GTF3C2: variants seen among roughly 807,000 people sequenced by gnomAD.
The protein encoded by GTF3C2 is general transcription factor IIIC subunit 2.
GTF3C2 carries 17 observed loss-of-function variants against 117.4 expected under a neutral mutation model. That is an observed-to-expected ratio of 0.14 (90% CI 0.10 to 0.22). The LOEUF (loss-of-function observed/expected upper bound fraction) is 0.22, where lower values mean the gene tolerates loss of function less well. Among genes scored for constraint, GTF3C2 ranks in the 10% least tolerant of loss-of-function variants. The pLI, the probability that GTF3C2 is intolerant of heterozygous loss-of-function variation, is 1.00. For missense variants in GTF3C2, 888 were observed against 1,143.6 expected (o/e 0.78, Z 3.22); for synonymous variants, 437 against 427.0 (o/e 1.02, Z -0.29).
chr2:27,350,602 T>A (rs1465890273), intron 1 of GTF3C2: 1 of 640,002 alleles, frequency 1.6e-6, no homozygotes, highest in Non-Finnish European at 1.9e-6. Flanking sequence ...GAGTTCAAGA[T>A]CAGCCTGGGC....
intron 1 of GTF3C2, among the ~76,000 whole-genome samples, chr2:27,351,962 T>C (rs1459559999): frequency 6.6e-6 from 1 of 152,190 alleles, no homozygotes; most frequent in African/African-American, 2.4e-5. Context: ...TCTCTGAACC[T>C]TGTCATCACC....
At chr2:27,336,239 C>G (rs1025509083) in exon 8 of GTF3C2, 2 of 1,613,970 alleles carry the variant, frequency 1.2e-6, no homozygotes, top group African/African-American at 2.7e-5. Context: ...AGAGCTGGAG[C>G]AGCCCAGGAC....
intron 12 of GTF3C2, among the ~76,000 whole-genome samples, chr2:27,332,466 G>C (rs1680309384): frequency 6.6e-6 from 1 of 151,678 alleles, no homozygotes; most frequent in African/African-American, 2.4e-5. Flanking sequence ...CCAGGCTAGA[G>C]TACAGTGGCA....
Position 27,329,613 on chromosome 2 carries a change from T to G in GTF3C2, c.1733-90A>C. The G allele has an allele frequency of 7.9e-7, 1 of 1,266,918 alleles. No homozygotes were observed. The highest frequency in any genetic ancestry group is 1.1e-6 in the Non-Finnish European group (1 of 891,016). 78.5% of individuals were successfully genotyped at this position (1,266,918 alleles called of 1,614,324 possible). ...TCTCTGGGCTCCTAGGACCTTTGTC[T>G]TCTACCCTCAGATCCAAACCACTAT... On this transcript the variant is annotated intron_variant, in intron 12 of 18. Coordinates refer to ENST00000264720, the Ensembl canonical transcript of GTF3C2. This position sits in a 1 kb window ranked among gnomAD's most constrained non-coding sequence, Gnocchi z 4.5.
rs554293406 is a variant in GTF3C2 at position 27,333,182 on chromosome 2, A to T, written c.1732+473T>A. On this transcript the variant is annotated intron_variant, in intron 12 of 18. Transcript: ENST00000264720. ...TCTTTTTTTTTTTTTTTTTTTTTCCAGACAGGATCTCACTGTTGCCCAGGC... is the reference window on the plus strand; with the variant it reads ...TCTTTTTTTTTTTTTTTTTTTTTCCTGACAGGATCTCACTGTTGCCCAGGC... Among the ~76,000 whole-genome samples, 1,184 of 121,456 alleles carry T rather than the reference A, an allele frequency of 9.7e-3. 17 individuals are homozygous for T. The highest frequency in any genetic ancestry group is 0.036 in the African/African-American group (1,129 of 31,638). The allele number at this position is 121,456 out of a possible 152,430, so 79.7% of individuals were successfully genotyped here.
chr2:27,356,316 C>A, intron 1 of GTF3C2: 1 of 369,654 alleles, frequency 2.7e-6, no homozygotes, highest in Non-Finnish European at 5.3e-6. Context: ...TGACCCACAA[C>A]CACTCTAGGG....
At position 27,342,384 on chromosome 2, in the gene GTF3C2, G is replaced by GA. The variant is rs995655888; in HGVS notation, c.570-152dup. 136 of 638,784 alleles carry GA rather than the reference G, an allele frequency of 2.1e-4. 2 individuals carry two copies. In the Admixed American group the frequency reaches 3.9e-3, roughly 18 times the overall value. 39.6% of individuals were successfully genotyped at this position (638,784 alleles called of 1,614,324 possible). A position where few individuals can be genotyped will look rare whatever the true frequency, so the allele number is the denominator to read the frequency against. On this transcript the variant is annotated intron_variant, in intron 3 of 18. Coordinates refer to ENST00000264720, the Ensembl canonical transcript of GTF3C2. ...AATTTCCCCTTCCCCCTTGGAAGAT[G>GA]AAAAACCAGAAATCTAAGTTATGTG...
At chr2:27,336,080 C>A in intron 8 of GTF3C2, 52 bp from the exon 9 acceptor site, 1 of 1,414,544 alleles carries the variant, frequency 7.1e-7, no homozygotes, top group Non-Finnish European at 1.0e-6. Context: ...GGACGCAGGG[C>A]TGCCAGAGGT....
intron 12 of GTF3C2, among the ~76,000 whole-genome samples, chr2:27,330,077 C>T (rs1177665789): frequency 6.4e-5 from 9 of 140,102 alleles, no homozygotes; most frequent in Admixed American, 2.3e-4. Context: ...ACTCAGGAGG[C>T]GGAGCTTGCA....
At chr2:27,342,961 C>T (rs780337619) in exon 3 of GTF3C2, 6 of 1,614,078 alleles carry the variant, frequency 3.7e-6, no homozygotes, top group African/African-American at 1.3e-5. Flanking sequence ...CTTGGACTTT[C>T]GACCTCGTTT....
chr2:27,342,739 C>G, intron 3 of GTF3C2, 87 bp downstream of exon 3: 1 of 988,070 alleles, frequency 1.0e-6, no homozygotes, highest in Non-Finnish European at 1.6e-6. Flanking sequence ...TACCTAATAC[C>G]TCATCAGTCT....
intron 1 of GTF3C2, chr2:27,356,486 C>T (rs369367213): frequency 9.9e-4 from 231 of 232,930 alleles, no homozygotes; most frequent in African/African-American, 4.9e-3. Context: ...CAGGCTTCCG[C>T]GTTACCGACA....
chr2:27,342,761 C>G lies in GTF3C2; in HGVS notation c.569+65G>C, dbSNP rs1680779741. On this transcript the variant is annotated intron_variant, in intron 3 of 18. Coordinates refer to ENST00000264720, the Ensembl canonical transcript of GTF3C2. ...TACCTCATCAGTCTTCTCTCTCCAA[C>G]ATCTGCCCCACCCTGATCCCTTCAC... The G allele has an allele frequency of 4.9e-6, 6 of 1,223,874 alleles. No homozygotes were observed. In the South Asian group the frequency reaches 8.1e-5, roughly 17 times the overall value. 75.8% of individuals were successfully genotyped at this position (1,223,874 alleles called of 1,614,324 possible). A position where few individuals can be genotyped will look rare whatever the true frequency, so the allele number is the denominator to read the frequency against.
chr2:27,327,909 A>G (rs1271536907), intron 17 of GTF3C2, 128 bp downstream of exon 17: 4 of 681,190 alleles, frequency 5.9e-6, no homozygotes, highest in Non-Finnish European at 7.3e-6. Flanking sequence ...TACAGGCATG[A>G]GCCACTGCAC....
chr2:27,326,320 A>AAGTGGTCACAAAAACACCC, exon 19 of GTF3C2: 1 of 454,496 alleles, frequency 2.2e-6, no homozygotes, highest in Non-Finnish European at 4.3e-6. Context: ...ACCCATTCAC[A>AAGTGGTCACAAAAACACCC]AGTGGTCACA....
Position 27,338,900 on chromosome 2 carries a change from TCAAG to T in GTF3C2, c.856-884_856-881del, listed in dbSNP as rs781613324. On this transcript the variant is annotated intron_variant, in intron 4 of 18. Coordinates refer to ENST00000264720, the Ensembl canonical transcript of GTF3C2. ...CCATGCCAGACTTGAACTCCTGGGC[TCAAG>T]CAATCCTCTTGCCTCAGCCTCCTGA... 5.3e-5 allele frequency among the ~76,000 whole-genome samples: 8 copies of T among 152,056 alleles called. No individual in the cohort carries two copies. In the East Asian group the frequency reaches 1.5e-3, roughly 29 times the overall value.
intron 1 of GTF3C2, among the ~76,000 whole-genome samples, chr2:27,353,190 C>T (rs1215416569): frequency 1.3e-5 from 2 of 151,994 alleles, no homozygotes; most frequent in African/African-American, 2.4e-5. Flanking sequence ...GTCAGGAGAT[C>T]GAGACCATCC....
rs1331417569 is a variant in GTF3C2 at position 27,329,254 on chromosome 2, G to A, written c.1906C>T (p.Arg636Trp). The A allele has an allele frequency of 3.7e-6, 6 of 1,614,126 alleles. No individual in the cohort carries two copies. Among genetic ancestry groups the A allele is most frequent in the Non-Finnish European group, 5.1e-6 (6 of 1,180,000 alleles). Reference sequence around the variant, plus strand: ...CGAAGGTCCCAGAATTTGATTTTCCGGTCACTCCCCGCAGAGACAAGGAAA... The same window carrying A: ...CGAAGGTCCCAGAATTTGATTTTCCAGTCACTCCCCGCAGAGACAAGGAAA... The change falls in exon 14 of 19, where the codon CGG becomes TGG. Residue 636 changes from arginine to tryptophan, a missense_variant. By Grantham distance (101) the Arg-to-Trp change is moderately radical. This residue lies in a region of GTF3C2 where 277 missense variants were observed against 445.4 expected (regional missense o/e 0.62). Transcript: ENST00000264720. The surrounding 1 kb of genome is among the most constrained non-coding windows in gnomAD (Gnocchi z 4.5).
At chr2:27,338,168 T>C (rs995563417) in intron 4 of GTF3C2, 148 bp from the exon 5 acceptor site, 2 of 652,498 alleles carry the variant, frequency 3.1e-6, no homozygotes. Flanking sequence ...GATTTGTGTT[T>C]CAACCACTAT....
Sources: allele counts gnomAD v4.1 joint callset (sites outside exome capture counted in the v4.1 genomes callset), GRCh38; gene constraint gnomAD v4.1.1; regional missense constraint gnomAD v4.1.1; non-coding constraint Gnocchi (gnomAD v3.1); transcripts MANE v1.5; gene names NCBI Gene and HGNC (gene_info 2026-07-23, HGNC 2026-07-21).